The following GMDS variants were observed in gnomAD, a reference collection of about 807,000 sequenced individuals.
GMDS encodes the protein GDP-mannose 4,6-dehydratase.
GMDS carries 20 observed loss-of-function variants against 49.9 expected under a neutral mutation model. The observed-to-expected ratio is 0.40, with a 90% CI of 0.28 to 0.58. The LOEUF is 0.58. Among genes scored for constraint, GMDS ranks in the 20% least tolerant of loss-of-function variants. The pLI is 0.42. For missense variants in GMDS, 362 were observed against 481.4 expected, an observed-to-expected ratio of 0.75 and a Z score of 2.32; for synonymous variants, 177 against 178.6, an observed-to-expected ratio of 0.99 and a Z score of 0.07.
intron 7 of GMDS, among the ~76,000 whole-genome samples, chr6:1,803,891 A>G (rs1770054863): frequency 6.6e-6 from 1 of 152,206 alleles, no homozygotes; most frequent in Non-Finnish European, 1.5e-5. Context: ...TATACAGTAA[A>G]GAGTTTGCTG....
At chr6:1,810,147 A>C (rs78457497) in intron 7 of GMDS, among the ~76,000 whole-genome samples, 5,851 of 152,160 alleles carry the variant, frequency 0.038, 152 homozygotes, top group Non-Finnish European at 0.06. Flanking sequence ...ATTCCAGAGG[A>C]GAGGGAGCTG....
intron 4 of GMDS, among the ~76,000 whole-genome samples, chr6:2,011,441 AC>A (rs765513867): frequency 2.0e-5 from 3 of 152,248 alleles, no homozygotes; most frequent in Non-Finnish European, 4.4e-5. Flanking sequence ...CAATCCCACT[AC>A]TTGGTATCTA....
At chr6:2,209,481 G>T (rs1373647662) in intron 1 of GMDS, among the ~76,000 whole-genome samples, 1 of 152,072 alleles carries the variant, frequency 6.6e-6, no homozygotes, top group African/African-American at 2.4e-5. Flanking sequence ...TGACCACAGT[G>T]GGTACTCACA....
chr6:2,221,667 A>C (rs968367607), intron 1 of GMDS, among the ~76,000 whole-genome samples: 3 of 152,152 alleles, frequency 2.0e-5, no homozygotes, highest in East Asian at 3.9e-4. Context: ...GGATTACAGG[A>C]GTGAGCCACC....
intron 4 of GMDS, among the ~76,000 whole-genome samples, chr6:2,065,254 A>C (rs1169280193): frequency 6.9e-6 from 1 of 145,134 alleles, no homozygotes; most frequent in African/African-American, 2.5e-5. Flanking sequence ...AAGGACATCC[A>C]CACCAAAAAC....
At chr6:2,208,754 A>G (rs937903433) in intron 1 of GMDS, among the ~76,000 whole-genome samples, 5 of 152,140 alleles carry the variant, frequency 3.3e-5, no homozygotes, top group Non-Finnish European at 7.3e-5. Context: ...AGAAGCCATA[A>G]TTTTAGAAAG....
intron 4 of GMDS, among the ~76,000 whole-genome samples, chr6:2,114,318 T>C (rs934690468): frequency 5.3e-5 from 8 of 152,280 alleles, no homozygotes; most frequent in African/African-American, 1.9e-4. Flanking sequence ...CTCTCATGGC[T>C]GGTCAGGAAG....
At chr6:1,652,711 T>G (rs59792969) in intron 9 of GMDS, among the ~76,000 whole-genome samples, 646 of 29,822 alleles carry the variant, frequency 0.022, 231 homozygotes, top group Non-Finnish European at 0.027. Flanking sequence ...TATATATATA[T>G]ATATATATAG....
Position 2,245,589 on chromosome 6 carries a change from G to A in GMDS, c.-167C>T, listed in dbSNP as rs1486668029. 7 of 397,434 alleles carry A rather than the reference G, an allele frequency of 1.8e-5. No homozygotes were observed. Among genetic ancestry groups the A allele is most frequent in the African/African-American group, 4.2e-5 (2 of 47,158 alleles). The allele number at this position is 397,434 out of a possible 1,614,324, so 24.6% of individuals were successfully genotyped here. On this transcript the variant is annotated 5_prime_UTR_variant, in exon 1 of 11. Transcript: ENST00000380815. ...CGCCACAGTCTGACAGGGGCGCACG[G>A]GAGGCCGTGCAGGGAGGGCCGGGGG...
In GMDS at chr6:1,784,412, A is replaced by T. The variant is rs865974127; in HGVS notation, c.772-41826T>A. Among the ~76,000 whole-genome samples the T allele has an allele frequency of 5.5e-3, 835 of 150,912 alleles. 15 individuals are homozygous for T. The highest frequency in any genetic ancestry group is 0.019 in the African/African-American group (780 of 40,794). ...TCTCAAAAAAAAAAAAAAAAAAAAA[A>T]AAGAAAATTTTCGCAAAACTCCTTC... On this transcript the variant is annotated intron_variant, in intron 7 of 10. Coordinates refer to ENST00000380815, the MANE Select transcript of GMDS (RefSeq NM_001500.4).
Position 2,092,643 on chromosome 6 carries a change from T to C in GMDS, c.345+23128A>G, listed in dbSNP as rs576317450. ...ATGACTTTAAGACACTGAGATTCTA[T>C]GGTACTAGAAAATGTAGAGACACGT... On this transcript the variant is annotated intron_variant, in intron 4 of 10. Transcript: ENST00000380815. 5.3e-5 allele frequency among the ~76,000 whole-genome samples: 8 copies of C among 152,306 alleles called. No homozygotes were observed. The South Asian group carries it at 1.5e-3, about 28-fold the overall frequency.
intron 4 of GMDS, among the ~76,000 whole-genome samples, chr6:2,113,365 T>A (rs1453557947): frequency 6.6e-6 from 1 of 152,028 alleles, no homozygotes; most frequent in South Asian, 2.1e-4. Flanking sequence ...TCTAGACTCT[T>A]ACCTCTAGAA....
In GMDS at chr6:1,960,888, A is replaced by C; in HGVS notation, c.424T>G (p.Cys142Gly). 1.2e-6 allele frequency: 2 copies of C among 1,611,604 alleles called. No homozygotes were observed. The highest frequency in any genetic ancestry group is 1.7e-6 in the Non-Finnish European group (2 of 1,177,950). Residue 142 changes from cysteine (C) to glycine (G), a missense_variant, in exon 5 of 11, where the codon TGT becomes GGT. Transcript: ENST00000380815. ...TLRLLDAVKT[C>G]GLINSVKFYQ... is the part of the protein sequence containing the mutation. Reference sequence around the variant, plus strand: ...AACTTCACAGAGTTGATAAGGCCACAAGTCTTAACTGCATCTAGAAGTCGT... The same window carrying C: ...AACTTCACAGAGTTGATAAGGCCACCAGTCTTAACTGCATCTAGAAGTCGT...
intron 9 of GMDS, among the ~76,000 whole-genome samples, chr6:1,685,484 G>GT (rs959799014): frequency 1.7e-4 from 25 of 151,318 alleles, no homozygotes; most frequent in Admixed American, 1.3e-4. Context: ...TTTAGTAAGG[G>GT]TTTTTTTTTA....
intron 4 of GMDS, among the ~76,000 whole-genome samples, chr6:2,114,238 A>G (rs998195359): frequency 1.3e-5 from 2 of 152,178 alleles, no homozygotes; most frequent in African/African-American, 4.8e-5. Context: ...TACAAAGGAA[A>G]CTTCTTAATC....
chr6:2,176,769 C>T (rs1778302734), intron 1 of GMDS, among the ~76,000 whole-genome samples: 1 of 152,182 alleles, frequency 6.6e-6, no homozygotes, highest in Admixed American at 6.5e-5. Context: ...GAAGTAATTG[C>T]TTCCTTCCCT....
intron 7 of GMDS, among the ~76,000 whole-genome samples, chr6:1,862,551 T>C (rs183290724): frequency 5.3e-4 from 80 of 152,346 alleles, no homozygotes; most frequent in African/African-American, 1.8e-3. Context: ...TAACAAACAT[T>C]ATAACTGTTC....
chr6:1,768,257 T>G (rs948612437), intron 7 of GMDS, among the ~76,000 whole-genome samples: 1 of 152,238 alleles, frequency 6.6e-6, no homozygotes, highest in Non-Finnish European at 1.5e-5. Flanking sequence ...CATAGAGACA[T>G]GCTTTCTATT....
At chr6:1,892,049 A>G (rs1233670352) in intron 7 of GMDS, among the ~76,000 whole-genome samples, 3 of 152,218 alleles carry the variant, frequency 2.0e-5, no homozygotes, top group East Asian at 1.9e-4. Context: ...CTCTTAAGAA[A>G]AAAACTATAA....
Sources: gnomAD v4.1 joint callset for allele counts (sites outside exome capture counted in the v4.1 genomes callset) on GRCh38, gnomAD v4.1.1 for gene constraint, MANE v1.5 for transcripts, NCBI Gene and HGNC (gene_info 2026-07-23, HGNC 2026-07-21) for gene names.